SCAPER: variants seen among roughly 807,000 people sequenced by gnomAD.
The protein encoded by SCAPER is S phase cyclin A-associated protein in the endoplasmic reticulum.
In SCAPER, 98 loss-of-function variants were observed where a neutral mutation model predicts 182.2. That is an observed-to-expected ratio of 0.54 (90% confidence interval 0.46 to 0.64). The LOEUF is 0.64. SCAPER is among the 30% of genes least tolerant of loss of function. The pLI, the probability that SCAPER is intolerant of heterozygous loss-of-function variation, is 0.00. For missense variants in SCAPER, 1,432 were observed against 1,690.0 expected (o/e 0.85, Z 2.68); for synonymous variants, 605 against 564.6 (o/e 1.07, Z -1.01).
At chr15:76,565,564 T>C (rs536759229) in intron 23 of SCAPER, among the ~76,000 whole-genome samples, 1 of 152,236 alleles carries the variant, frequency 6.6e-6, no homozygotes, top group East Asian at 1.9e-4. Flanking sequence ...AAGGAATGCT[T>C]ATACACTCAG....
chr15:76,688,357 T>C lies in SCAPER; in HGVS notation c.2508+13401A>G, dbSNP rs2058150094. Among the ~76,000 whole-genome samples the C allele has an allele frequency of 2.0e-5, 3 of 152,220 alleles. No homozygotes were observed. The South Asian group carries it at 6.2e-4, about 31-fold the overall frequency. On this transcript the variant is annotated intron_variant, in intron 20 of 31. Transcript: ENST00000563290. ...TTAGCCCTTTGTCATATGGATAGAT[T>C]GCAAAAATTTTCTCCCATTCTGTAG...
At chr15:76,719,788 A>G (rs2060098217) in intron 17 of SCAPER, among the ~76,000 whole-genome samples, 1 of 152,178 alleles carries the variant, frequency 6.6e-6, no homozygotes, top group African/African-American at 2.4e-5. Flanking sequence ...CATAAAGATG[A>G]GGAAAAAAAT....
chr15:76,802,838 G>A (rs1472102024), intron 6 of SCAPER, among the ~76,000 whole-genome samples: 1 of 152,168 alleles, frequency 6.6e-6, no homozygotes, highest in Non-Finnish European at 1.5e-5. Flanking sequence ...AGCTCCATAT[G>A]ACTTGGCAAG....
chr15:76,812,314 A>T (rs1468771096), intron 5 of SCAPER, among the ~76,000 whole-genome samples: 1 of 151,816 alleles, frequency 6.6e-6, no homozygotes, highest in Non-Finnish European at 1.5e-5. Flanking sequence ...ACTCCGTCTC[A>T]AGAAAAAAAA....
intron 8 of SCAPER, among the ~76,000 whole-genome samples, chr15:76,781,068 G>T (rs963767145): frequency 6.6e-6 from 1 of 152,060 alleles, no homozygotes; most frequent in African/African-American, 2.4e-5. Context: ...GCTTCAGAAG[G>T]CCAGTAATAA....
At chr15:76,574,021 A>T (rs1285064750) in intron 23 of SCAPER, 137 bp downstream of exon 23, 2 of 838,196 alleles carry the variant, frequency 2.4e-6, no homozygotes, top group Non-Finnish European at 3.2e-6. Flanking sequence ...TAAAAAAAAA[A>T]ATTCATCTAT....
At chr15:76,882,211 A>G (rs1449414630) in intron 2 of SCAPER, among the ~76,000 whole-genome samples, 1 of 152,130 alleles carries the variant, frequency 6.6e-6, no homozygotes, top group African/African-American at 2.4e-5. Flanking sequence ...CACCTGGGCA[A>G]CAAAGCAAGA....
At chr15:76,742,275 A>T (rs1447722549) in intron 15 of SCAPER, among the ~76,000 whole-genome samples, 1 of 151,742 alleles carries the variant, frequency 6.6e-6, no homozygotes, top group African/African-American at 2.4e-5. Context: ...TATTTCTCAG[A>T]AATTTGGGGA....
At chr15:76,455,223 C>T (rs967628189) in intron 25 of SCAPER, among the ~76,000 whole-genome samples, 9 of 152,190 alleles carry the variant, frequency 5.9e-5, no homozygotes, top group East Asian at 1.9e-4. Flanking sequence ...GCTTTACTGG[C>T]GTATAGTTGA....
At chr15:76,513,728 A>T (rs1162049962) in intron 23 of SCAPER, among the ~76,000 whole-genome samples, 1 of 152,142 alleles carries the variant, frequency 6.6e-6, no homozygotes, top group Non-Finnish European at 1.5e-5. Context: ...ACACCATTTC[A>T]TACTTGTCCC....
chr15:76,864,308 T>C (rs2072104926), intron 2 of SCAPER, among the ~76,000 whole-genome samples: 1 of 152,228 alleles, frequency 6.6e-6, no homozygotes. Flanking sequence ...TATTTACTTA[T>C]CTGTTCAATT....
intron 23 of SCAPER, among the ~76,000 whole-genome samples, chr15:76,526,930 C>T (rs1163125924): frequency 2.6e-5 from 4 of 151,362 alleles, no homozygotes; most frequent in Non-Finnish European, 5.9e-5. Flanking sequence ...GGAGTGCAGT[C>T]GCGCGATCTT....
intron 1 of SCAPER, among the ~76,000 whole-genome samples, chr15:76,890,382 G>GT (rs977463492): frequency 2.6e-5 from 4 of 152,096 alleles, no homozygotes; most frequent in African/African-American, 9.7e-5. Flanking sequence ...TCCAGGAGCT[G>GT]TTTTTTTGAA....
chr15:76,573,506 A>G (rs1434151462), intron 23 of SCAPER, among the ~76,000 whole-genome samples: 3 of 152,162 alleles, frequency 2.0e-5, no homozygotes, highest in Non-Finnish European at 4.4e-5. Flanking sequence ...ATTATGTAAA[A>G]TGTGATATGT....
rs577768364 is a variant in SCAPER at position 76,750,216 on chromosome 15, G to A, written c.1866+3592C>T. ...CAACCCTAACTCATAATACAGACAAGTACAAAACCTACAAAGACTAAATCA... is the reference window on the plus strand; with the variant it reads ...CAACCCTAACTCATAATACAGACAAATACAAAACCTACAAAGACTAAATCA... On this transcript the variant is annotated intron_variant, in intron 15 of 31. Coordinates refer to ENST00000563290, the MANE Select transcript of SCAPER (RefSeq NM_020843.4). Among the ~76,000 whole-genome samples, 3 of 151,122 alleles carry A rather than the reference G, an allele frequency of 2.0e-5. No individual in the cohort carries two copies. The East Asian group carries it at 5.8e-4, about 29-fold the overall frequency.
At chr15:76,617,553 C>T (rs1337646933) in intron 22 of SCAPER, among the ~76,000 whole-genome samples, 1 of 152,168 alleles carries the variant, frequency 6.6e-6, no homozygotes, top group Non-Finnish European at 1.5e-5. Flanking sequence ...CCTGGATGGC[C>T]TTAATCCCTT....
At chr15:76,440,758 G>A (rs1039430413) in intron 25 of SCAPER, among the ~76,000 whole-genome samples, 6 of 151,988 alleles carry the variant, frequency 3.9e-5, no homozygotes, top group African/African-American at 1.2e-4. Context: ...TTTATAAAAC[G>A]TGTATGCCCA....
chr15:76,476,929 T>C (rs2050697625), intron 24 of SCAPER, among the ~76,000 whole-genome samples: 1 of 148,592 alleles, frequency 6.7e-6, no homozygotes, highest in Non-Finnish European at 1.5e-5. Flanking sequence ...AAAGTTGTTT[T>C]AACAACAGTC....
intron 10 of SCAPER, among the ~76,000 whole-genome samples, chr15:76,768,656 A>G (rs2151297914): frequency 6.6e-6 from 1 of 152,290 alleles, no homozygotes; most frequent in South Asian, 2.1e-4. Context: ...GGATTGTATT[A>G]TACGTAAATT....
Sources: allele counts gnomAD v4.1 joint callset (sites outside exome capture counted in the v4.1 genomes callset), GRCh38; gene constraint gnomAD v4.1.1; transcripts MANE v1.5; gene names NCBI Gene and HGNC (gene_info 2026-07-23, HGNC 2026-07-21).